The following KREMEN1 variants were observed in gnomAD, a reference collection of about 807,000 sequenced individuals.
KREMEN1 encodes the protein kremen protein 1.
Under a neutral mutation model 46.5 loss-of-function variants are expected in KREMEN1, and 30 were observed. The observed-to-expected ratio is 0.65, with a 90% CI of 0.48 to 0.88. The LOEUF (loss-of-function observed/expected upper bound fraction) is 0.88, where lower values mean the gene tolerates loss of function less well. Among genes scored for constraint, KREMEN1 ranks in the 40% least tolerant of loss-of-function variants. KREMEN1 has a pLI of 0.00. For missense variants in KREMEN1, 533 were observed against 596.9 expected, an observed-to-expected ratio of 0.89 and a Z score of 1.11; for synonymous variants, 214 against 230.6, an observed-to-expected ratio of 0.93 and a Z score of 0.65.
At chr22:29,149,159 A>G (rs1383916340), downstream of KREMEN1, among the ~76,000 whole-genome samples, 1 of 147,762 alleles carries the variant, frequency 6.8e-6, no homozygotes, top group Non-Finnish European at 1.5e-5. Flanking sequence ...ATGTTGCAAC[A>G]TAATGGCACC....
intron 9 of KREMEN1, among the ~76,000 whole-genome samples, chr22:29,161,183 G>A (rs1349950040): frequency 1.3e-5 from 2 of 151,246 alleles, no homozygotes; most frequent in Non-Finnish European, 2.9e-5. Context: ...GAAACTGAAA[G>A]ACTGAACAAA....
chr22:29,078,968 C>T (rs977194376), intron 1 of KREMEN1, among the ~76,000 whole-genome samples: 7 of 152,194 alleles, frequency 4.6e-5, no homozygotes, highest in East Asian at 1.9e-4. Flanking sequence ...AGCTGGAACC[C>T]GTAAGTATTA....
In KREMEN1 at chr22:29,163,339, C is replaced by T. The variant is rs553236255; in HGVS notation, c.1417-3705C>T. Among the ~76,000 whole-genome samples, 3 of 152,178 alleles carry T rather than the reference C, an allele frequency of 2.0e-5. No individual in the cohort carries two copies. The South Asian group carries it at 6.2e-4, about 32-fold the overall frequency. ...ATGCGAAACTGTGAGTCAATTAAGC[C>T]TCTTTCCTTTATAAATTACCCAGTT... is the stretch of plus-strand genomic sequence containing the variant. On this transcript the variant is annotated intron_variant, in intron 9 of 9. Transcript: ENST00000327813.
chr22:29,074,216 C>T (rs1240086983), intron 1 of KREMEN1, among the ~76,000 whole-genome samples: 1 of 152,242 alleles, frequency 6.6e-6, no homozygotes, highest in Non-Finnish European at 1.5e-5. Flanking sequence ...CCCAGACGGA[C>T]GGGACGTGCC....
rs139051314 is a variant in KREMEN1, at chr22:29,088,898, G to A, written c.98-5360G>A. ...TGAAAAGCTGAGGTCTGGCTCTAGAGCCCCTAACATACGCTTTCCATACTC... is the reference window on the plus strand; with the variant it reads ...TGAAAAGCTGAGGTCTGGCTCTAGAACCCCTAACATACGCTTTCCATACTC... On this transcript the variant is annotated intron_variant, in intron 1 of 8. Transcript: ENST00000400335. Among the ~76,000 whole-genome samples the A allele has an allele frequency of 1.2e-4, 18 of 152,228 alleles. 1 individual carries two copies. In the East Asian group the frequency reaches 3.5e-3, roughly 29 times the overall value.
chr22:29,101,894 A>G (rs940109634), intron 3 of KREMEN1, among the ~76,000 whole-genome samples: 3 of 152,222 alleles, frequency 2.0e-5, no homozygotes, highest in Admixed American at 1.3e-4. Flanking sequence ...ATACATGACT[A>G]TACTTTTAAA....
At chr22:29,151,322 T>A (rs1226005553), downstream of KREMEN1, among the ~76,000 whole-genome samples, 1 of 152,182 alleles carries the variant, frequency 6.6e-6, no homozygotes, top group Non-Finnish European at 1.5e-5. Flanking sequence ...GTCATAATAA[T>A]ACGAATAACA....
downstream of KREMEN1, among the ~76,000 whole-genome samples, chr22:29,147,837 A>G (rs993724730): frequency 6.6e-6 from 1 of 152,344 alleles, no homozygotes; most frequent in South Asian, 2.1e-4. Flanking sequence ...CTCACATCCC[A>G]GTTCCACTGT....
At chr22:29,083,061 C>T (rs534773460) in intron 1 of KREMEN1, among the ~76,000 whole-genome samples, 1 of 152,270 alleles carries the variant, frequency 6.6e-6, no homozygotes, top group African/African-American at 2.4e-5. Context: ...CCTGCCGCCA[C>T]GCCTGGCTAA....
chr22:29,142,152 C>G lies in KREMEN1; in HGVS notation c.*40C>G, dbSNP rs1408196447. 5 of 1,503,572 alleles carry G rather than the reference C, an allele frequency of 3.3e-6. No homozygotes were observed. The South Asian group carries it at 6.8e-5, about 21-fold the overall frequency. 93.1% of individuals were successfully genotyped at this position (1,503,572 alleles called of 1,614,324 possible). A position where few individuals can be genotyped will look rare whatever the true frequency, so the allele number is the denominator to read the frequency against. On this transcript the variant is annotated 3_prime_UTR_variant, in exon 9 of 9. Transcript: ENST00000400335. ...CTAGGACTTGAGGTCCCTCTTTGAG[C>G]TCAAGGCTGCCGTGGTCAACCTCTC... is the stretch of plus-strand genomic sequence containing the variant.
intron 9 of KREMEN1, among the ~76,000 whole-genome samples, chr22:29,160,738 G>C (rs1373733691): frequency 2.0e-5 from 3 of 152,150 alleles, no homozygotes; most frequent in Non-Finnish European, 4.4e-5. Context: ...GCAGTGTTAA[G>C]AGGAAAGCTG....
At chr22:29,099,777 T>G (rs2037945741) in intron 3 of KREMEN1, among the ~76,000 whole-genome samples, 2 of 152,114 alleles carry the variant, frequency 1.3e-5, no homozygotes, top group Admixed American at 6.5e-5. Context: ...CTCGATCTCT[T>G]GACCTCGTGA....
rs1246488820 is a variant in KREMEN1 at position 29,145,673 on chromosome 22, A to ATGAGTAGGAG, written c.*3565_*3574dup. ...TGTCCAGTTGCTTGCAAAGCAGAGA[A>ATGAGTAGGAG]TGAGTAGGAGTGAACCCGAGTGACT... On this transcript the variant is annotated 3_prime_UTR_variant, in exon 9 of 9. Coordinates refer to ENST00000400335, the MANE Select transcript of KREMEN1 (RefSeq NM_001039570.3). 1 of 985,508 alleles carries ATGAGTAGGAG rather than the reference A, an allele frequency of 1.0e-6. No individual in the cohort carries two copies. Among genetic ancestry groups the ATGAGTAGGAG allele is most frequent in the East Asian group, 1.1e-4 (1 of 8,808 alleles). 61.0% of individuals were successfully genotyped at this position (985,508 alleles called of 1,614,324 possible).
chr22:29,122,274 C>G (rs1378693478), intron 4 of KREMEN1, among the ~76,000 whole-genome samples: 1 of 152,186 alleles, frequency 6.6e-6, no homozygotes, highest in Non-Finnish European at 1.5e-5. Flanking sequence ...CCACTGCACA[C>G]CACTTCAGGA....
intron 3 of KREMEN1, among the ~76,000 whole-genome samples, chr22:29,115,539 C>T (rs1003089317): frequency 2.6e-5 from 4 of 152,194 alleles, no homozygotes; most frequent in Non-Finnish European, 5.9e-5. Context: ...AGAGCACCTG[C>T]TTTGTGACCG....
intron 5 of KREMEN1, among the ~76,000 whole-genome samples, chr22:29,126,895 G>A (rs2038453448): frequency 6.6e-6 from 1 of 152,168 alleles, no homozygotes; most frequent in African/African-American, 2.4e-5. Context: ...TGATACCTTT[G>A]TTTTGGCTAA....
chr22:29,138,929 G>A, intron 7 of KREMEN1, 147 bp downstream of exon 7: 1 of 1,164,364 alleles, frequency 8.6e-7, no homozygotes, highest in Non-Finnish European at 1.2e-6. Flanking sequence ...AGTCTGTCCT[G>A]GCTTTTGAGG....
chr22:29,129,689 G>A (rs2038503886), intron 5 of KREMEN1, among the ~76,000 whole-genome samples: 2 of 152,160 alleles, frequency 1.3e-5, no homozygotes, highest in African/African-American at 4.8e-5. Context: ...GGCTGTGTTT[G>A]CTCTTTGGCA....
chr22:29,141,739 C>G (rs762832500), intron 8 of KREMEN1, among the ~76,000 whole-genome samples: 1 of 152,190 alleles, frequency 6.6e-6, no homozygotes. Context: ...CTGATGCAGA[C>G]GCTGCCCTGC....
Sources: allele counts gnomAD v4.1 joint callset (sites outside exome capture counted in the v4.1 genomes callset), GRCh38; gene constraint gnomAD v4.1.1; transcripts MANE v1.5; gene names NCBI Gene and HGNC (gene_info 2026-07-23, HGNC 2026-07-21).